The following SEC14L4 variants were observed in gnomAD, a reference collection of about 807,000 sequenced individuals.
The protein encoded by SEC14L4 is SEC14 like lipid binding 4.
Under a neutral mutation model 55.1 loss-of-function variants are expected in SEC14L4, and 42 were observed. The ratio of observed to expected loss-of-function variants is 0.76; its 90% CI spans 0.60 to 0.99. The LOEUF is 0.99. Among genes scored for constraint, SEC14L4 ranks in the 50% least tolerant of loss-of-function variants. The pLI is 0.00. For synonymous variants in SEC14L4, 206 were observed against 206.8 expected, an observed-to-expected ratio of 1.00 and a Z score of 0.03; for missense variants, 445 against 512.1, an observed-to-expected ratio of 0.87 and a Z score of 1.27.
chr22:30,504,913 G>C (rs1403941527), intron 1 of SEC14L4, among the ~76,000 whole-genome samples: 2 of 152,014 alleles, frequency 1.3e-5, no homozygotes, highest in Non-Finnish European at 2.9e-5. Context: ...TCAGGAGTTC[G>C]AGACCAGCCT....
chr22:30,495,166 G>C, intron 5 of SEC14L4, 88 bp downstream of exon 5: 1 of 1,310,212 alleles, frequency 7.6e-7, no homozygotes, highest in Non-Finnish European at 1.0e-6. Context: ...TGGGTGCTGA[G>C]GGCTGGGGAG....
At chr22:30,490,268 C>A in intron 11 of SEC14L4, 22 bp from the exon 12 acceptor site, 1 of 1,610,374 alleles carries the variant, frequency 6.2e-7, no homozygotes. Flanking sequence ...GAGAGGTGAT[C>A]AGGGAGCACA....
rs143314120 is a variant in SEC14L4, at chr22:30,496,523, A to G, written c.131-552T>C. Among the ~76,000 whole-genome samples, 86 of 152,128 alleles carry G rather than the reference A, an allele frequency of 5.7e-4. No individual in the cohort carries two copies. The East Asian group carries it at 0.016, about 28-fold the overall frequency. On this transcript the variant is annotated intron_variant, in intron 2 of 11. Coordinates refer to ENST00000255858, the MANE Select transcript of SEC14L4 (RefSeq NM_174977.4). ...TCTTCCTACAACCTTCTGGAGGCCAATCTAGCCTGTATTTGATGTCCCTCA... is the reference window on the plus strand; with the variant it reads ...TCTTCCTACAACCTTCTGGAGGCCAGTCTAGCCTGTATTTGATGTCCCTCA...
chr22:30,489,180 T>C lies in SEC14L4; in HGVS notation c.*927A>G, dbSNP rs543741568. The C allele has an allele frequency of 6.5e-6, 1 of 152,918 alleles. No individual in the cohort carries two copies. The allele number at this position is 152,918 out of a possible 1,614,324, so 9.5% of individuals were successfully genotyped here. On this transcript the variant is annotated 3_prime_UTR_variant, in exon 12 of 12. Coordinates refer to ENST00000255858, the MANE Select transcript of SEC14L4 (RefSeq NM_174977.4). ...GGCTGAGCATGGCTTTTTCCTCTGATGGTTACCCATGCCAGGCCCCACCTC... is the reference window on the plus strand; with the variant it reads ...GGCTGAGCATGGCTTTTTCCTCTGACGGTTACCCATGCCAGGCCCCACCTC...
intron 2 of SEC14L4, among the ~76,000 whole-genome samples, chr22:30,498,179 GA>G (rs1448482538): frequency 2.1e-5 from 3 of 144,956 alleles, no homozygotes; most frequent in Non-Finnish European, 3.0e-5. Flanking sequence ...ACCCAGGCTG[GA>G]GTGCAGATCT....
Position 30,491,613 on chromosome 22 carries a change from C to T in SEC14L4, c.1041G>A (p.Val347=), listed in dbSNP as rs761403546. 1 of 1,614,046 alleles carries T rather than the reference C, an allele frequency of 6.2e-7. No homozygotes were observed. The highest frequency in any genetic ancestry group is 1.7e-5 in the Admixed American group (1 of 59,998). The part of the protein sequence containing the change: ...LPSQRYNAHM[V]PEDGSLTCLQ... The stretch of plus-strand genomic sequence containing the variant: ...GGCAGGTGAGGCTCCCATCCTCAGG[C>T]ACCATGTGGGCATTGTAGCGCTGGC... Residue 347 remains valine (V), a synonymous_variant, in exon 11 of 12, where the codon GTG becomes GTA. Transcript: ENST00000255858.
At chr22:30,491,485 C>T in intron 11 of SEC14L4, 88 bp downstream of exon 11, 1 of 1,516,314 alleles carries the variant, frequency 6.6e-7, no homozygotes, top group Non-Finnish European at 9.1e-7. Context: ...TACAGAGATC[C>T]CCCCACCCTC....
At chr22:30,494,705 G>A (rs111733903) in intron 6 of SEC14L4, among the ~76,000 whole-genome samples, 161 bp downstream of exon 6, 7 of 152,166 alleles carry the variant, frequency 4.6e-5, no homozygotes, top group African/African-American at 1.4e-4. Flanking sequence ...CCCTTTCTCC[G>A]TGGAGGGTGG....
Position 30,495,320 on chromosome 22 carries a change from A to C in SEC14L4, c.357T>G (p.Asp119Glu), listed in dbSNP as rs2146178968. ...KGLLLSASKQ[D>E]MIRKRIKVCE... ...AGACTTTGATGCGCTTCCGGATCAT[A>C]TCCTGCTTGGAGGCTGACAGCAGGA... Residue 119 changes from aspartate to glutamate, a missense_variant, in exon 5 of 12, where the codon GAT (aspartate) becomes GAG (glutamate). Coordinates refer to ENST00000255858, the MANE Select transcript of SEC14L4 (RefSeq NM_174977.4). 2.5e-6 allele frequency: 4 copies of C among 1,614,046 alleles called. No homozygotes were observed. The African/African-American group carries it at 4.0e-5, about 16-fold the overall frequency.
chr22:30,505,639 G>C lies in SEC14L4; in HGVS notation c.-28C>G. On this transcript the variant is annotated 5_prime_UTR_variant, in exon 1 of 12. Transcript: ENST00000255858. ...TGCCCGCGGGCGCAGAAAGGCTCAG[G>C]GCGCAGGTCCGCCCGCCCGCCGCCG... 6 of 1,533,340 alleles carry C rather than the reference G, an allele frequency of 3.9e-6. No homozygotes were observed. Among genetic ancestry groups the C allele is most frequent in the Non-Finnish European group, 5.2e-6 (6 of 1,144,562 alleles). The allele number at this position is 1,533,340 out of a possible 1,614,324, so 95.0% of individuals were successfully genotyped here. A position where few individuals can be genotyped will look rare whatever the true frequency, so the allele number is the denominator to read the frequency against.
At chr22:30,494,269 T>A in intron 6 of SEC14L4, 59 bp from the exon 7 acceptor site, 4 of 1,360,150 alleles carry the variant, frequency 2.9e-6, no homozygotes, top group Non-Finnish European at 4.2e-6. Context: ...GCCCATGGGT[T>A]TCTGTGGCCT....
intron 11 of SEC14L4, among the ~76,000 whole-genome samples, chr22:30,491,003 C>G (rs1360658446): frequency 5.9e-5 from 9 of 152,170 alleles, no homozygotes; most frequent in African/African-American, 2.2e-4. Context: ...TCCCTTTCCA[C>G]AAAATGAAAT....
At position 30,491,680 on chromosome 22, in the gene SEC14L4, C is replaced by T. The variant is rs1601841819; in HGVS notation, c.974G>A (p.Gly325Glu). The T allele has an allele frequency of 1.2e-6, 2 of 1,614,176 alleles. No individual in the cohort carries two copies. The highest frequency in any genetic ancestry group is 1.7e-6 in the Non-Finnish European group (2 of 1,180,018). ...CATCTCCCTAGCACTCTGCTGCTCC[C>T]CCATCTTGGTCTTCAGGAAAACCCC... The part of the protein sequence containing the change: ...GFGVFLKTKM[G>E]EQQSAREMTE... Residue 325 changes from glycine (G) to glutamate (E), a missense_variant, in exon 11 of 12, where the codon GGG (glycine) becomes GAG (glutamate). Physicochemically the swap from Gly to Glu is moderately conservative, Grantham distance 98 (BLOSUM62 -2). Coordinates refer to ENST00000255858, the MANE Select transcript of SEC14L4 (RefSeq NM_174977.4).
At chr22:30,493,247 G>GT (rs1936027188) in intron 7 of SEC14L4, among the ~76,000 whole-genome samples, 1 of 152,080 alleles carries the variant, frequency 6.6e-6, no homozygotes, top group Non-Finnish European at 1.5e-5. Context: ...ATCTTCTTGG[G>GT]TGTGACATCT....
intron 2 of SEC14L4, among the ~76,000 whole-genome samples, chr22:30,501,877 A>ATATATATATG (rs1936340268): frequency 7.3e-6 from 1 of 136,464 alleles, no homozygotes; most frequent in Non-Finnish European, 1.6e-5. Flanking sequence ...ATATATATAC[A>ATATATATATG]TACACATACT....
In SEC14L4 at chr22:30,505,597, G is replaced by A. The variant is rs1424202336; in HGVS notation, c.15C>T (p.Val5=). MSSR[V]GDLSPQQQEA... ...CCTGCTGCTGGGGGCTCAGGTCCCCGACTCGGCTGCTCATGGTGCCCGCGG... is the reference window on the plus strand; with the variant it reads ...CCTGCTGCTGGGGGCTCAGGTCCCCAACTCGGCTGCTCATGGTGCCCGCGG... The change falls in exon 1 of 12, where the codon GTC becomes GTT. Residue 5 remains valine, a synonymous_variant. Coordinates refer to ENST00000255858, the MANE Select transcript of SEC14L4 (RefSeq NM_174977.4). 4 of 1,566,510 alleles carry A rather than the reference G, an allele frequency of 2.6e-6. No individual in the cohort carries two copies. Among genetic ancestry groups the A allele is most frequent in the East Asian group, 2.4e-5 (1 of 42,516 alleles).
rs757400230 is a variant in SEC14L4 at position 30,491,755 on chromosome 22, G to C, written c.912-13C>G. 2.2e-5 allele frequency: 35 copies of C among 1,613,472 alleles called. No homozygotes were observed. Among genetic ancestry groups the C allele is most frequent in the Non-Finnish European group, 2.8e-5 (33 of 1,179,578 alleles). On this transcript the variant is annotated splice_polypyrimidine_tract_variant and intron_variant, in intron 10 of 11. Coordinates refer to ENST00000255858, the MANE Select transcript of SEC14L4 (RefSeq NM_174977.4). ...AGCAAACTGCCACCTGCAGTGGATA[G>C]AGCCCCATTGGCGACCCCCTGCCTG...
intron 1 of SEC14L4, 46 bp downstream of exon 1, chr22:30,505,512 T>C: frequency 6.5e-7 from 1 of 1,538,476 alleles, no homozygotes; most frequent in Non-Finnish European, 8.8e-7. Flanking sequence ...AGTGCCAGGC[T>C]GCTCAGGGCC....
In SEC14L4 at chr22:30,505,654, G is replaced by A; in HGVS notation, c.-43C>T. 5 of 1,503,262 alleles carry A rather than the reference G, an allele frequency of 3.3e-6. No individual in the cohort carries two copies. Among genetic ancestry groups the A allele is most frequent in the Non-Finnish European group, 3.6e-6 (4 of 1,126,414 alleles). The allele number at this position is 1,503,262 out of a possible 1,614,324, so 93.1% of individuals were successfully genotyped here. A position where few individuals can be genotyped will look rare whatever the true frequency, so the allele number is the denominator to read the frequency against. Reference sequence around the variant, plus strand: ...AAAGGCTCAGGGCGCAGGTCCGCCCGCCCGCCGCCGCCTGGCCTTGTATCC... The same window carrying A: ...AAAGGCTCAGGGCGCAGGTCCGCCCACCCGCCGCCGCCTGGCCTTGTATCC... On this transcript the variant is annotated 5_prime_UTR_variant, in exon 1 of 12. Coordinates refer to ENST00000255858, the MANE Select transcript of SEC14L4 (RefSeq NM_174977.4).
Sources: allele counts gnomAD v4.1 joint callset (sites outside exome capture counted in the v4.1 genomes callset), GRCh38; gene constraint gnomAD v4.1.1; transcripts MANE v1.5; gene names NCBI Gene and HGNC (gene_info 2026-07-23, HGNC 2026-07-21).